FRMPD4: variants seen among roughly 807,000 people sequenced by gnomAD.
FRMPD4 encodes the protein FERM and PDZ domain-containing protein 4.
A neutral mutation model predicts 94.1 loss-of-function variants in FRMPD4; 22 were observed. The observed-to-expected ratio is 0.23, with a 90% CI of 0.17 to 0.33. The LOEUF is 0.33. Ranked by LOEUF, FRMPD4 falls within the 10% of genes least tolerant of loss-of-function variation. The probability of loss-of-function intolerance (pLI) is 1.00; values close to 1 mark genes in which losing one functional copy is unlikely to be tolerated. For synonymous variants in FRMPD4, 631 were observed against 548.6 expected (o/e 1.15, Z -2.10); for missense variants, 1,111 against 1,339.9 (o/e 0.83, Z 2.67).
intron 2 of FRMPD4, among the ~76,000 whole-genome samples, chrX:12,541,317 G>C (rs2058408394): frequency 9.0e-6 from 1 of 111,119 alleles, no homozygotes; most frequent in African/African-American, 3.3e-5. Context: ...TTTTTGAAAA[G>C]ATCAACACAA....
rs771141078 is a variant in FRMPD4, at chrX:12,716,703, G to A, written c.2244G>A (p.Ala748=). The A allele has an allele frequency of 2.4e-5, 29 of 1,209,789 alleles. No individual in the cohort carries two copies. The highest frequency in any genetic ancestry group is 2.3e-4 in the Middle Eastern group (1 of 4,375). The change falls in exon 15 of 17, where the codon GCG becomes GCA. Residue 748 remains alanine, a synonymous_variant. Transcript: ENST00000675598. ...DICYAENTDD[A]EDEDEVSCEE... ...GTTATGCAGAAAACACTGATGACGC[G>A]GAGGACGAGGACGAGGTGAGCTGCG...
intron 3 of FRMPD4, among the ~76,000 whole-genome samples, chrX:11,904,523 AC>A (rs2053957327): frequency 1.8e-5 from 2 of 112,351 alleles, no homozygotes; most frequent in African/African-American, 6.5e-5. Flanking sequence ...GTTTTGTTCT[AC>A]CAACAGTGAG....
At chrX:12,532,081 T>C (rs2058291493) in intron 2 of FRMPD4, among the ~76,000 whole-genome samples, 1 of 111,739 alleles carries the variant, frequency 8.9e-6, no homozygotes, top group South Asian at 3.7e-4. Flanking sequence ...CAACAATGTA[T>C]GTGAGAAAAA....
At chrX:12,122,671 T>C (rs2055465669) in intron 3 of FRMPD4, among the ~76,000 whole-genome samples, 1 of 109,844 alleles carries the variant, frequency 9.1e-6, no homozygotes, top group African/African-American at 3.3e-5. Context: ...TGCCAAGGGC[T>C]GAGCTCACAG....
At chrX:12,322,877 CATT>C (rs1265769469) in intron 1 of FRMPD4, among the ~76,000 whole-genome samples, 12 of 111,149 alleles carry the variant, frequency 1.1e-4, no homozygotes, top group African/African-American at 3.6e-4. Context: ...TATTAATTAA[CATT>C]AGTTATATAT....
At chrX:12,305,747 T>TTTTTTG (rs1569225517) in intron 1 of FRMPD4, among the ~76,000 whole-genome samples, 1 of 91,699 alleles carries the variant, frequency 1.1e-5, no homozygotes. Flanking sequence ...TTTTTTTTTT[T>TTTTTTG]ACAGAGACAG....
At chrX:12,306,070 T>A (rs1463665928) in intron 1 of FRMPD4, among the ~76,000 whole-genome samples, 1 of 94,552 alleles carries the variant, frequency 1.1e-5, no homozygotes, top group Non-Finnish European at 2.0e-5. Flanking sequence ...TAAAAACTTA[T>A]GCTGTGCTTC....
At chrX:12,059,765 A>G (rs773260182) in intron 3 of FRMPD4, among the ~76,000 whole-genome samples, 1 of 111,297 alleles carries the variant, frequency 9.0e-6, no homozygotes, top group African/African-American at 3.3e-5. Context: ...AGCTGCATCC[A>G]TGTTGCTGCA....
At chrX:11,826,993 G>A (rs910213486) in intron 1 of FRMPD4, among the ~76,000 whole-genome samples, 13 of 103,495 alleles carry the variant, frequency 1.3e-4, no homozygotes, top group African/African-American at 2.8e-4. Context: ...CTGCAAGAAG[G>A]GTGAATTTCT....
chrX:11,991,766 T>G (rs2054465739), intron 3 of FRMPD4, among the ~76,000 whole-genome samples: 2 of 112,374 alleles, frequency 1.8e-5, no homozygotes, highest in African/African-American at 6.5e-5. Context: ...ATATAAAAAC[T>G]TTTATAAACT....
chrX:12,721,403 G>C lies in FRMPD4; in HGVS notation c.4834G>C (p.Asp1612His). The change falls in exon 17 of 17, where the codon GAT becomes CAT. Residue 1612 changes from aspartate to histidine, a missense_variant. This residue lies in a region of FRMPD4 where 551 missense variants were observed against 591.6 expected (regional missense o/e 0.93). Transcript: ENST00000675598. ...MPDGFLAAQN[D>H]ANELLCLVRA... is the part of the protein sequence containing the mutation. Reference sequence around the variant, plus strand: ...TGATGGGTTCCTTGCAGCCCAAAATGATGCCAATGAGCTGCTCTGTCTCGT... The same window carrying C: ...TGATGGGTTCCTTGCAGCCCAAAATCATGCCAATGAGCTGCTCTGTCTCGT... The C allele has an allele frequency of 5.3e-6, 4 of 754,908 alleles. No individual in the cohort carries two copies. The highest frequency in any genetic ancestry group is 6.3e-6 in the Non-Finnish European group (4 of 638,255). The allele number at this position is 754,908 out of a possible 1,213,427, so 62.2% of individuals were successfully genotyped here. A position where few individuals can be genotyped will look rare whatever the true frequency, so the allele number is the denominator to read the frequency against.
chrX:11,925,555 T>C (rs2054082391), intron 3 of FRMPD4, among the ~76,000 whole-genome samples: 2 of 112,120 alleles, frequency 1.8e-5, no homozygotes, highest in Admixed American at 9.5e-5. Flanking sequence ...AAACAACCTC[T>C]CAGACCATAG....
chrX:12,122,158 G>A (rs1018530101), intron 3 of FRMPD4, among the ~76,000 whole-genome samples: 1 of 112,058 alleles, frequency 8.9e-6, no homozygotes, highest in Non-Finnish European at 1.9e-5. Context: ...CTGGCTCCAG[G>A]TTCTGTGGCA....
chrX:11,902,826 G>A (rs749301673), intron 3 of FRMPD4, among the ~76,000 whole-genome samples: 2 of 111,614 alleles, frequency 1.8e-5, no homozygotes, highest in South Asian at 7.7e-4. Flanking sequence ...GAACATGAAT[G>A]GCAGAATAAA....
intron 1 of FRMPD4, among the ~76,000 whole-genome samples, chrX:12,421,101 C>CTGAT (rs1466461760): frequency 8.9e-6 from 1 of 111,807 alleles, no homozygotes; most frequent in Non-Finnish European, 1.9e-5. Context: ...TATCTGCGTC[C>CTGAT]TGATTGGCAA....
intron 4 of FRMPD4, among the ~76,000 whole-genome samples, chrX:12,671,896 C>G (rs2059848016): frequency 9.0e-6 from 1 of 111,388 alleles, no homozygotes; most frequent in Non-Finnish European, 1.9e-5. Flanking sequence ...TCAGGTAGTT[C>G]CCATAAACAT....
chrX:12,139,873 CT>C (rs2055666454), intron 1 of FRMPD4, among the ~76,000 whole-genome samples: 1 of 111,364 alleles, frequency 9.0e-6, no homozygotes, highest in Non-Finnish European at 1.9e-5. Flanking sequence ...TTCTCTGCCC[CT>C]GGAGCTCTTT....
At chrX:12,530,068 CACAA>C (rs1243659688) in intron 2 of FRMPD4, among the ~76,000 whole-genome samples, 1 of 111,715 alleles carries the variant, frequency 9.0e-6, no homozygotes, top group Non-Finnish European at 1.9e-5. Flanking sequence ...TTTAGGGGCA[CACAA>C]ACACTCAGGC....
chrX:12,599,920 TAAG>T (rs34036444), intron 2 of FRMPD4, among the ~76,000 whole-genome samples: 3 of 110,697 alleles, frequency 2.7e-5, no homozygotes, highest in Admixed American at 9.7e-5. Flanking sequence ...AAATATATGT[TAAG>T]AGGTGTTGAA....
Sources: allele counts gnomAD v4.1 joint callset (sites outside exome capture counted in the v4.1 genomes callset), GRCh38; gene constraint gnomAD v4.1.1; regional missense constraint gnomAD v4.1.1; transcripts MANE v1.5; gene names NCBI Gene and HGNC (gene_info 2026-07-23, HGNC 2026-07-21).